ING5: variants seen among roughly 807,000 people sequenced by gnomAD.
ING5 encodes the protein inhibitor of growth family member 5.
ING5 carries 17 observed loss-of-function variants against 37.4 expected under a neutral mutation model. That is an observed-to-expected ratio of 0.45 (90% CI 0.31 to 0.68). ING5 has a LOEUF of 0.68. ING5 is among the 30% of genes least tolerant of loss of function. The pLI, the probability that ING5 is intolerant of heterozygous loss-of-function variation, is 0.05. For missense variants in ING5, 233 were observed against 311.9 expected (o/e 0.75, Z 1.91); for synonymous variants, 123 against 116.6 (o/e 1.06, Z -0.36).
intron 1 of ING5, among the ~76,000 whole-genome samples, chr2:241,688,450 C>T (rs2069487756): frequency 6.6e-6 from 1 of 152,142 alleles, no homozygotes; most frequent in African/African-American, 2.4e-5. Flanking sequence ...CAACAATTTC[C>T]CGGACTTTAC....
rs930038250 is a variant in ING5, at chr2:241,729,377, A to C, written c.*4346A>C. 2.6e-5 allele frequency: 4 copies of C among 152,640 alleles called. No homozygotes were observed. The highest frequency in any genetic ancestry group is 5.9e-5 in the Non-Finnish European group (4 of 68,036). The allele number at this position is 152,640 out of a possible 1,614,324, so 9.5% of individuals were successfully genotyped here. A position where few individuals can be genotyped will look rare whatever the true frequency, so the allele number is the denominator to read the frequency against. ...TTTGTAAAGGAAAGATAATGTTGTA[A>C]ATCTTTTTATTAGATAATGTAAAGA... On this transcript the variant is annotated 3_prime_UTR_variant, in exon 8 of 8. Coordinates refer to ENST00000313552, the MANE Select transcript of ING5 (RefSeq NM_032329.6).
At chr2:241,708,233 A>G (rs2069986441) in intron 2 of ING5, among the ~76,000 whole-genome samples, 1 of 133,528 alleles carries the variant, frequency 7.5e-6, no homozygotes, top group Non-Finnish European at 1.6e-5. Context: ...TTTGAGATGG[A>G]GTCTCACTCT....
chr2:241,723,627 C>T (rs1189298216), intron 7 of ING5, among the ~76,000 whole-genome samples: 1 of 152,194 alleles, frequency 6.6e-6, no homozygotes, highest in Non-Finnish European at 1.5e-5. Context: ...GGTTCTTGTC[C>T]CCTAGGGAAA....
chr2:241,696,075 C>T (rs951938749), intron 2 of ING5, among the ~76,000 whole-genome samples: 3 of 151,896 alleles, frequency 2.0e-5, no homozygotes, highest in Admixed American at 6.6e-5. Context: ...CCAGCCTGGG[C>T]GACAATGTGA....
intron 5 of ING5, among the ~76,000 whole-genome samples, chr2:241,716,190 G>C (rs2070262583): frequency 6.7e-6 from 1 of 149,750 alleles, no homozygotes; most frequent in Non-Finnish European, 1.5e-5. Flanking sequence ...TTTTCTGTTT[G>C]TTCCTTCTGC....
At position 241,725,631 on chromosome 2, in the gene ING5, T is replaced by C. The variant is rs1433112507; in HGVS notation, c.*600T>C. 1 of 152,602 alleles carries C rather than the reference T, an allele frequency of 6.6e-6. No individual in the cohort carries two copies. The highest frequency in any genetic ancestry group is 1.5e-5 in the Non-Finnish European group (1 of 68,056). The allele number at this position is 152,602 out of a possible 1,614,324, so 9.5% of individuals were successfully genotyped here. On this transcript the variant is annotated 3_prime_UTR_variant, in exon 8 of 8. Transcript: ENST00000313552. Reference sequence around the variant, plus strand: ...CTCCGCTTCGCTGGCGCCGCCTTTTTAGCTTGGACTTCAGTCCTCCCTCGG... The same window carrying C: ...CTCCGCTTCGCTGGCGCCGCCTTTTCAGCTTGGACTTCAGTCCTCCCTCGG...
rs370698256 is a variant in ING5 at position 241,723,084 on chromosome 2, G to A, written c.618+10G>A. The A allele has an allele frequency of 2.7e-5, 44 of 1,614,104 alleles. No individual in the cohort carries two copies. Among genetic ancestry groups the A allele is most frequent in the Middle Eastern group, 1.6e-4 (1 of 6,084 alleles). On this transcript the variant is annotated intron_variant, in intron 6 of 7. Transcript: ENST00000313552. ...CTGTGACAATCCAGACGTGAGTGTC[G>A]CCTGCAGGATTCGCGCCATGGGGCG...
At chr2:241,711,579 A>G in intron 4 of ING5, 91 bp downstream of exon 4, 1 of 954,950 alleles carries the variant, frequency 1.0e-6, no homozygotes, top group Non-Finnish European at 1.6e-6. Context: ...AAGTATGATC[A>G]CTAGGGTAAG....
chr2:241,702,962 T>C (rs916592231), intron 1 of ING5, among the ~76,000 whole-genome samples: 3 of 152,170 alleles, frequency 2.0e-5, no homozygotes, highest in Middle Eastern at 3.2e-3. Flanking sequence ...GTCTTCGGCC[T>C]GGCACCCGCC....
At chr2:241,719,714 C>T (rs866208747) in intron 5 of ING5, 1 of 1,493,188 alleles carries the variant, frequency 6.7e-7, no homozygotes, top group Middle Eastern at 1.9e-4. Flanking sequence ...AGGGCTCTGC[C>T]CAGCTTCAGA....
At position 241,722,975 on chromosome 2, in the gene ING5, C is replaced by T. The variant is rs2070467763; in HGVS notation, c.519C>T (p.Pro173=). The stretch of plus-strand genomic sequence containing the variant: ...CTGACACCATCCTGTCCGTGCACCC[C>T]TCTGATGTGCTGGACATGCCCGTGG... ...EFTDTILSVH[P]SDVLDMPVDP... is the part of the protein sequence containing the mutation. Residue 173 remains proline (P), a synonymous_variant, in exon 6 of 8, where the codon CCC becomes CCT. Coordinates refer to ENST00000313552, the MANE Select transcript of ING5 (RefSeq NM_032329.6). 1.2e-6 allele frequency: 2 copies of T among 1,614,218 alleles called. No individual in the cohort carries two copies. The highest frequency in any genetic ancestry group is 1.7e-6 in the Non-Finnish European group (2 of 1,180,042).
At chr2:241,716,199 G>A (rs1161569369) in intron 5 of ING5, among the ~76,000 whole-genome samples, 1 of 150,646 alleles carries the variant, frequency 6.6e-6, no homozygotes, top group Non-Finnish European at 1.5e-5. Context: ...TGTTCCTTCT[G>A]CTCCTTTGCT....
At chr2:241,717,109 C>G in intron 5 of ING5, among the ~76,000 whole-genome samples, 1 of 149,514 alleles carries the variant, frequency 6.7e-6, no homozygotes, top group Non-Finnish European at 1.5e-5. Context: ...GAGTCTTGCT[C>G]TGTGTCCCAG....
chr2:241,698,196 G>T (rs960706904), upstream of ING5, among the ~76,000 whole-genome samples: 1 of 151,540 alleles, frequency 6.6e-6, no homozygotes, highest in African/African-American at 2.4e-5. Context: ...TGTAATCCCA[G>T]CACTTTGGGA....
chr2:241,722,919 C>A lies in ING5; in HGVS notation c.483-20C>A. ...TTCCCACCATGGCCTTCAGTGGTGC[C>A]TGTGCCCTGTCCCCTGCAGGTCTGA... is the stretch of plus-strand genomic sequence containing the variant. On this transcript the variant is annotated intron_variant, in intron 5 of 7. Coordinates refer to ENST00000313552, the MANE Select transcript of ING5 (RefSeq NM_032329.6). The A allele has an allele frequency of 6.2e-7, 1 of 1,613,290 alleles. No individual in the cohort carries two copies. Among genetic ancestry groups the A allele is most frequent in the South Asian group, 1.1e-5 (1 of 91,084 alleles).
exon 1 of ING5, chr2:241,687,305 G>C (rs936090488): frequency 5.0e-6 from 2 of 398,594 alleles, no homozygotes; most frequent in Non-Finnish European, 4.4e-6. Flanking sequence ...CCCGAAGCGC[G>C]GGGCCCAGTG....
intron 5 of ING5, among the ~76,000 whole-genome samples, chr2:241,715,022 A>C (rs112240585): frequency 6.6e-5 from 10 of 152,128 alleles, no homozygotes; most frequent in Non-Finnish European, 1.5e-4. Flanking sequence ...TACTTTGCCT[A>C]TACTATTCTA....
chr2:241,697,427 T>C, upstream of ING5, among the ~76,000 whole-genome samples: 1 of 142,086 alleles, frequency 7.0e-6, no homozygotes, highest in African/African-American at 2.6e-5. Flanking sequence ...AGAGCGAGAC[T>C]CTGTCTCAAA....
At chr2:241,706,786 G>A (rs551786804) in intron 2 of ING5, among the ~76,000 whole-genome samples, 14 of 152,208 alleles carry the variant, frequency 9.2e-5, no homozygotes, top group African/African-American at 3.4e-4. Context: ...CGACATTGCT[G>A]CCTTGTCTCC....
Sources: gnomAD v4.1 joint callset for allele counts (sites outside exome capture counted in the v4.1 genomes callset) on GRCh38, gnomAD v4.1.1 for gene constraint, MANE v1.5 for transcripts, NCBI Gene and HGNC (gene_info 2026-07-23, HGNC 2026-07-21) for gene names.